The following CATSPERB variants were observed in gnomAD, a reference collection of about 807,000 sequenced individuals.
The protein encoded by CATSPERB is cation channel sperm-associated auxiliary subunit beta.
In CATSPERB, 93 loss-of-function variants were observed where a neutral mutation model predicts 128.3. That is an observed-to-expected ratio of 0.72 (90% CI 0.61 to 0.86). The LOEUF is 0.86. Ranked by LOEUF, CATSPERB falls within the 40% of genes least tolerant of loss-of-function variation. CATSPERB has a pLI of 0.00. For missense variants in CATSPERB, 1,153 were observed against 1,329.5 expected (o/e 0.87, Z 2.06); for synonymous variants, 381 against 448.8 (o/e 0.85, Z 1.91).
chr14:91,620,168 T>C (rs536407849), intron 19 of CATSPERB, among the ~76,000 whole-genome samples: 12 of 152,210 alleles, frequency 7.9e-5, no homozygotes, highest in African/African-American at 2.9e-4. Context: ...TTACGGGAAA[T>C]TCCTTCTCCC....
chr14:91,700,042 T>C (rs777880592), intron 7 of CATSPERB, among the ~76,000 whole-genome samples: 21 of 152,102 alleles, frequency 1.4e-4, no homozygotes, highest in Non-Finnish European at 3.1e-4. Flanking sequence ...CATCAACCCA[T>C]CATTTACATT....
chr14:91,693,582 T>G, intron 7 of CATSPERB, 103 bp from the exon 8 acceptor site: 2 of 727,732 alleles, frequency 2.7e-6, no homozygotes. Context: ...CTCAGCACTA[T>G]GACTCTCACT....
rs1351906840 is a variant in CATSPERB, at chr14:91,604,695, G to C, written c.2709+3599C>G. The C allele has an allele frequency of 1.9e-6, 3 of 1,613,322 alleles. No individual in the cohort carries two copies. In the East Asian group the frequency reaches 6.7e-5, roughly 36 times the overall value. ...CTCCAGGACTGGATGTTCTGGGTCT[G>C]GTTGCTCCAGGTTGAATTGTTCCAG... is the stretch of plus-strand genomic sequence containing the variant. On this transcript the variant is annotated intron_variant, in intron 22 of 26. Transcript: ENST00000256343.
chr14:91,586,571 A>AAGAGAGAGAG lies in CATSPERB; in HGVS notation c.3132+621_3132+630dup, dbSNP rs35756131. Among the ~76,000 whole-genome samples the AAGAGAGAGAG allele has an allele frequency of 2.2e-3, 248 of 114,210 alleles. 1 individual carries two copies. Among genetic ancestry groups the AAGAGAGAGAG allele is most frequent in the South Asian group, 4.2e-3 (13 of 3,106 alleles). 74.9% of individuals were successfully genotyped at this position (114,210 alleles called of 152,430 possible). On this transcript the variant is annotated intron_variant, in intron 26 of 26. Transcript: ENST00000256343. ...GGAGAGAGAGAGAGAGAGAGAGAGA[A>AAGAGAGAGAG]AGAGAGAGAGAGAGAGAGAGAGACA...
At chr14:91,637,078 CA>C (rs1397345440) in intron 16 of CATSPERB, among the ~76,000 whole-genome samples, 1 of 152,180 alleles carries the variant, frequency 6.6e-6, no homozygotes, top group Non-Finnish European at 1.5e-5. Context: ...GCAGTCTACC[CA>C]GGCACTTCTG....
At chr14:91,599,986 A>G (rs1056406286) in intron 22 of CATSPERB, among the ~76,000 whole-genome samples, 4 of 152,164 alleles carry the variant, frequency 2.6e-5, no homozygotes, top group Non-Finnish European at 5.9e-5. Flanking sequence ...TTCCTTTGAC[A>G]CCACTGAATG....
intron 5 of CATSPERB, among the ~76,000 whole-genome samples, chr14:91,718,733 T>C (rs1895982037): frequency 6.6e-6 from 1 of 152,254 alleles, no homozygotes; most frequent in East Asian, 1.9e-4. Flanking sequence ...TGGTTTTCCA[T>C]TTCTTATTTC....
intron 22 of CATSPERB, among the ~76,000 whole-genome samples, chr14:91,607,344 C>T (rs934778656): frequency 6.6e-6 from 1 of 151,936 alleles, no homozygotes; most frequent in Non-Finnish European, 1.5e-5. Flanking sequence ...GGTTATGATT[C>T]TAAATAGAGT....
chr14:91,674,314 T>C (rs1349866782), intron 11 of CATSPERB, 92 bp from the exon 12 acceptor site: 5 of 741,192 alleles, frequency 6.7e-6, no homozygotes, highest in Non-Finnish European at 1.1e-5. Context: ...ATGAAAATCA[T>C]AGAAATTATT....
chr14:91,608,128 T>A (rs1159825062), intron 22 of CATSPERB, among the ~76,000 whole-genome samples, 166 bp downstream of exon 22: 2 of 152,162 alleles, frequency 1.3e-5, no homozygotes, highest in Admixed American at 1.3e-4. Flanking sequence ...TATTCAGGAA[T>A]AGCTGTAAGA....
intron 15 of CATSPERB, among the ~76,000 whole-genome samples, chr14:91,658,333 T>C (rs1894820126): frequency 6.6e-6 from 1 of 151,980 alleles, no homozygotes; most frequent in African/African-American, 2.4e-5. Context: ...CTAAATATTT[T>C]AAAAATGGAA....
chr14:91,666,281 G>A (rs936898010), intron 14 of CATSPERB, among the ~76,000 whole-genome samples: 5 of 152,164 alleles, frequency 3.3e-5, no homozygotes, highest in East Asian at 1.9e-4. Flanking sequence ...AAACGGCTGC[G>A]GGGGTTCCTT....
Position 91,631,434 on chromosome 14 carries a change from C to G in CATSPERB, c.1742+4991G>C, listed in dbSNP as rs937673647. 2.6e-5 allele frequency among the ~76,000 whole-genome samples: 4 copies of G among 152,198 alleles called. No homozygotes were observed. In the East Asian group the frequency reaches 7.7e-4, roughly 29 times the overall value. Reference sequence around the variant, plus strand: ...ATCCCAGCACTTTGGGAGGCCGAGGCGGGTGGATCACCTGAGGTCAGAAGT... The same window carrying G: ...ATCCCAGCACTTTGGGAGGCCGAGGGGGGTGGATCACCTGAGGTCAGAAGT... On this transcript the variant is annotated intron_variant, in intron 17 of 26. Transcript: ENST00000256343.
At chr14:91,619,454 C>T (rs571932747) in intron 19 of CATSPERB, among the ~76,000 whole-genome samples, 6 of 151,838 alleles carry the variant, frequency 4.0e-5, no homozygotes, top group South Asian at 4.2e-4. Flanking sequence ...ATTTAATCCA[C>T]GATATTGAGG....
chr14:91,682,903 T>C (rs1244843297), intron 11 of CATSPERB, among the ~76,000 whole-genome samples: 2 of 152,200 alleles, frequency 1.3e-5, no homozygotes, highest in Non-Finnish European at 2.9e-5. Context: ...GCTGTAGATA[T>C]CCTGACTGCA....
chr14:91,730,553 G>T (rs1308559431), intron 1 of CATSPERB, among the ~76,000 whole-genome samples: 1 of 152,136 alleles, frequency 6.6e-6, no homozygotes, highest in Non-Finnish European at 1.5e-5. Context: ...AAGGAACTTG[G>T]GGGACAGGAG....
At chr14:91,722,965 C>T in intron 4 of CATSPERB, 84 bp downstream of exon 4, 3 of 1,070,270 alleles carry the variant, frequency 2.8e-6, no homozygotes, top group Non-Finnish European at 3.7e-6. Flanking sequence ...TACTCAGCTA[C>T]CTATTTTTTA....
chr14:91,584,989 T>TTTCTTCTTC (rs199499291), intron 26 of CATSPERB, among the ~76,000 whole-genome samples: 1 of 151,140 alleles, frequency 6.6e-6, no homozygotes, highest in African/African-American at 2.4e-5. Flanking sequence ...ATTTCTTTCC[T>TTTCTTCTTC]TTCTTCTTCT....
rs541641125 is a variant in CATSPERB, at chr14:91,668,842, C to T, written c.1287+972G>A. ...CAGAAGGAAGAAACTCTGGACACAT[C>T]TGAACATCTAAAGGGAAAAACTCTG... On this transcript the variant is annotated intron_variant, in intron 14 of 26. Coordinates refer to ENST00000256343, the MANE Select transcript of CATSPERB (RefSeq NM_024764.4). Among the ~76,000 whole-genome samples the T allele has an allele frequency of 9.2e-5, 14 of 152,282 alleles. No homozygotes were observed. In the South Asian group the frequency reaches 1.0e-3, roughly 11 times the overall value.
Sources: allele counts gnomAD v4.1 joint callset (sites outside exome capture counted in the v4.1 genomes callset), GRCh38; gene constraint gnomAD v4.1.1; transcripts MANE v1.5; gene names NCBI Gene and HGNC (gene_info 2026-07-23, HGNC 2026-07-21).